Variants in PARD3 observed in about 807,000 individuals in gnomAD.
PARD3 encodes par-3 family cell polarity regulator, also known as partitioning defective 3 homolog.
PARD3 carries 75 observed loss-of-function variants against 155.4 expected under a neutral mutation model. The observed-to-expected ratio is 0.48, with a 90% CI of 0.40 to 0.58. The LOEUF is 0.58. PARD3 is among the 20% of genes least tolerant of loss of function. The pLI is 0.00. For synonymous variants in PARD3, 576 were observed against 610.5 expected, an observed-to-expected ratio of 0.94 and a Z score of 0.83; for missense variants, 1,642 against 1,721.7, an observed-to-expected ratio of 0.95 and a Z score of 0.82.
intron 4 of PARD3, among the ~76,000 whole-genome samples, chr10:34,452,290 A>T (rs566160470): frequency 1.3e-5 from 2 of 152,326 alleles, no homozygotes; most frequent in African/African-American, 4.8e-5. Flanking sequence ...ATTTCAGAGA[A>T]ATCAACAGTA....
At chr10:34,634,252 A>T (rs1198259706) in intron 2 of PARD3, among the ~76,000 whole-genome samples, 1 of 152,228 alleles carries the variant, frequency 6.6e-6, no homozygotes, top group Non-Finnish European at 1.5e-5. Flanking sequence ...CTGTTAACAG[A>T]TGAAGTCAAT....
chr10:34,577,327 GA>G (rs912563494), intron 2 of PARD3, among the ~76,000 whole-genome samples: 15 of 152,042 alleles, frequency 9.9e-5, no homozygotes, highest in East Asian at 7.7e-4. Context: ...ATTGCTTGGG[GA>G]AAAAAATCTT....
At chr10:34,792,655 C>T (rs1048570237) in intron 1 of PARD3, among the ~76,000 whole-genome samples, 1 of 152,160 alleles carries the variant, frequency 6.6e-6, no homozygotes, top group East Asian at 1.9e-4. Flanking sequence ...CAAGTCGCCA[C>T]CCGCTGGAGC....
intron 1 of PARD3, among the ~76,000 whole-genome samples, chr10:34,783,986 T>C (rs537240268): frequency 1.3e-5 from 2 of 152,178 alleles, no homozygotes; most frequent in African/African-American, 4.8e-5. Flanking sequence ...AGCAGGAGAA[T>C]CATTTGAGTC....
intron 22 of PARD3, among the ~76,000 whole-genome samples, chr10:34,248,267 C>A (rs918601403): frequency 6.6e-6 from 1 of 152,062 alleles, no homozygotes. Flanking sequence ...AAAAAAAATA[C>A]CAGATTTTTC....
At chr10:34,746,466 C>A (rs934812356) in intron 1 of PARD3, among the ~76,000 whole-genome samples, 2 of 152,002 alleles carry the variant, frequency 1.3e-5, no homozygotes, top group African/African-American at 2.4e-5. Context: ...ATAATAATTT[C>A]TTAATACTAT....
At chr10:34,595,633 A>G (rs1222319924) in intron 2 of PARD3, among the ~76,000 whole-genome samples, 1 of 152,204 alleles carries the variant, frequency 6.6e-6, no homozygotes, top group Non-Finnish European at 1.5e-5. Flanking sequence ...ATAACCTTCT[A>G]GGAAAAAGAA....
At chr10:34,164,057 C>T (rs1390992862) in intron 22 of PARD3, among the ~76,000 whole-genome samples, 1 of 152,126 alleles carries the variant, frequency 6.6e-6, no homozygotes, top group Non-Finnish European at 1.5e-5. Flanking sequence ...AACCACCACG[C>T]TCATAGGTCT....
At chr10:34,748,873 A>C (rs1458955124) in intron 1 of PARD3, among the ~76,000 whole-genome samples, 1 of 152,214 alleles carries the variant, frequency 6.6e-6, no homozygotes, top group Non-Finnish European at 1.5e-5. Flanking sequence ...TCGGGCTACC[A>C]CTGCACTAAT....
intron 1 of PARD3, among the ~76,000 whole-genome samples, chr10:34,750,983 C>G (rs1835961001): frequency 6.6e-6 from 1 of 152,082 alleles, no homozygotes; most frequent in African/African-American, 2.4e-5. Context: ...GCCACCGCGC[C>G]CAGATGACCT....
chr10:34,735,784 T>C (rs1465147399), intron 1 of PARD3, among the ~76,000 whole-genome samples: 1 of 152,240 alleles, frequency 6.6e-6, no homozygotes, highest in Admixed American at 6.5e-5. Context: ...ATCAGTACAC[T>C]TTGCCTGTAA....
chr10:34,775,496 A>C (rs1453915553), intron 1 of PARD3, among the ~76,000 whole-genome samples: 1 of 152,174 alleles, frequency 6.6e-6, no homozygotes, highest in Non-Finnish European at 1.5e-5. Context: ...ACATCAGAGC[A>C]AGACCCTATC....
intron 14 of PARD3, among the ~76,000 whole-genome samples, chr10:34,353,935 G>A (rs962980756): frequency 6.0e-5 from 9 of 151,014 alleles, no homozygotes; most frequent in African/African-American, 2.2e-4. Context: ...CTTTTTCTTT[G>A]AAGAAAGAAA....
chr10:34,165,123 C>A (rs541915013), intron 22 of PARD3, among the ~76,000 whole-genome samples: 11 of 151,906 alleles, frequency 7.2e-5, no homozygotes, highest in South Asian at 4.1e-4. Flanking sequence ...CAACTAATTT[C>A]TCTTTATTTG....
chr10:34,602,312 T>C (rs1049837776), intron 2 of PARD3, among the ~76,000 whole-genome samples: 5 of 152,234 alleles, frequency 3.3e-5, no homozygotes, highest in African/African-American at 1.2e-4. Flanking sequence ...TATTTATTTT[T>C]AACTGATAGA....
At chr10:34,626,706 A>T (rs1258900070) in intron 2 of PARD3, among the ~76,000 whole-genome samples, 1 of 152,224 alleles carries the variant, frequency 6.6e-6, no homozygotes, top group Non-Finnish European at 1.5e-5. Flanking sequence ...AACTGACAAA[A>T]CACACAAGAA....
At chr10:34,794,859 T>A (rs17494598) in intron 1 of PARD3, among the ~76,000 whole-genome samples, 3 of 140,266 alleles carry the variant, frequency 2.1e-5, no homozygotes, top group Admixed American at 7.1e-5. Context: ...TAAAAAAAAA[T>A]GTTTGATGTT....
At chr10:34,218,741 G>A (rs1422542533) in intron 22 of PARD3, among the ~76,000 whole-genome samples, 2 of 151,902 alleles carry the variant, frequency 1.3e-5, no homozygotes, top group African/African-American at 4.8e-5. Context: ...AGGTCATGGA[G>A]GACAGGAGAT....
intron 2 of PARD3, among the ~76,000 whole-genome samples, chr10:34,530,326 A>C (rs1010754936): frequency 2.0e-5 from 3 of 152,188 alleles, no homozygotes; most frequent in Non-Finnish European, 2.9e-5. Context: ...ATATCACAGA[A>C]GGGTCCATAT....
Sources: allele counts gnomAD v4.1 joint callset (sites outside exome capture counted in the v4.1 genomes callset), GRCh38; gene constraint gnomAD v4.1.1; transcripts MANE v1.5; gene names NCBI Gene and HGNC (gene_info 2026-07-23, HGNC 2026-07-21).